CA10: variants seen among roughly 807,000 people sequenced by gnomAD.
CA10 encodes the protein carbonic anhydrase 10 (inactive), also known as carbonic anhydrase-related protein 10.
A neutral mutation model predicts 44.2 loss-of-function variants in CA10; 14 were observed. The ratio of observed to expected loss-of-function variants is 0.32; its 90% CI spans 0.21 to 0.50. CA10 has a LOEUF of 0.50. Among genes scored for constraint, CA10 ranks in the 20% least tolerant of loss-of-function variants. The pLI is 0.99. For synonymous variants in CA10, 159 were observed against 141.6 expected (o/e 1.12, Z -0.87); for missense variants, 350 against 409.7 (o/e 0.85, Z 1.26).
At chr17:52,022,952 T>C (rs1986189399) in intron 2 of CA10, among the ~76,000 whole-genome samples, 1 of 151,918 alleles carries the variant, frequency 6.6e-6, no homozygotes, top group Admixed American at 6.6e-5. Context: ...CTGAAAGAAA[T>C]CAAAGATGAC....
chr17:51,908,952 TC>T (rs1981678167), intron 3 of CA10, among the ~76,000 whole-genome samples: 1 of 152,140 alleles, frequency 6.6e-6, no homozygotes, highest in South Asian at 2.1e-4. Flanking sequence ...TAGGCCACTC[TC>T]ACTGAATAAA....
intron 3 of CA10, among the ~76,000 whole-genome samples, chr17:51,849,187 A>G (rs1393555812): frequency 3.1e-5 from 2 of 64,574 alleles, no homozygotes; most frequent in Non-Finnish European, 5.2e-5. Context: ...ATATATGTAT[A>G]TATATATATA....
chr17:51,767,314 C>T (rs1905422545), intron 3 of CA10, among the ~76,000 whole-genome samples: 1 of 70 alleles, frequency 0.014, no homozygotes, highest in South Asian at 0.12. Context: ...TACTCATCCT[C>T]AGTGACTCTG....
intron 1 of CA10, among the ~76,000 whole-genome samples, chr17:52,133,994 T>C (rs1989297552): frequency 6.6e-6 from 1 of 152,182 alleles, no homozygotes; most frequent in Non-Finnish European, 1.5e-5. Context: ...ATGCTGGTGA[T>C]GTGAGCCAAG....
At chr17:52,085,618 C>T (rs1988096797) in intron 1 of CA10, among the ~76,000 whole-genome samples, 1 of 152,170 alleles carries the variant, frequency 6.6e-6, no homozygotes, top group Admixed American at 6.5e-5. Flanking sequence ...CATCCTATCT[C>T]CTTTGGGCAT....
chr17:52,150,532 T>G (rs1989680830), intron 1 of CA10, among the ~76,000 whole-genome samples: 1 of 152,154 alleles, frequency 6.6e-6, no homozygotes, highest in South Asian at 2.1e-4. Context: ...ACCATTTCAT[T>G]TAGGTCTCTA....
intron 2 of CA10, among the ~76,000 whole-genome samples, chr17:51,978,374 G>A (rs1413084758): frequency 6.7e-6 from 1 of 150,224 alleles, no homozygotes; most frequent in Non-Finnish European, 1.5e-5. Flanking sequence ...ATCTGTGTGT[G>A]TGTCTGTATG....
chr17:51,783,903 G>C (rs945453192), intron 3 of CA10, among the ~76,000 whole-genome samples: 1 of 152,138 alleles, frequency 6.6e-6, no homozygotes, highest in African/African-American at 2.4e-5. Context: ...ATACACAGCT[G>C]TGTAGGAGCA....
intron 2 of CA10, among the ~76,000 whole-genome samples, chr17:52,057,968 C>T (rs779322731): frequency 2.0e-5 from 3 of 151,960 alleles, no homozygotes; most frequent in Non-Finnish European, 2.9e-5. Context: ...CCAGAAATTT[C>T]CTGGTGTGAC....
chr17:51,705,324 A>G (rs1396973065), intron 4 of CA10, among the ~76,000 whole-genome samples: 1 of 152,124 alleles, frequency 6.6e-6, no homozygotes, highest in Non-Finnish European at 1.5e-5. Context: ...ATATATACAC[A>G]TAGATCAATG....
intron 3 of CA10, among the ~76,000 whole-genome samples, chr17:51,780,404 C>G (rs1218119713): frequency 6.6e-6 from 1 of 152,208 alleles, no homozygotes; most frequent in African/African-American, 2.4e-5. Context: ...TTTTCCGAGT[C>G]TTGGCTTCCA....
At chr17:51,654,219 CAGTAG>C (rs1188804728) in intron 4 of CA10, among the ~76,000 whole-genome samples, 1 of 152,230 alleles carries the variant, frequency 6.6e-6, no homozygotes, top group Non-Finnish European at 1.5e-5. Flanking sequence ...CTGCAAGATG[CAGTAG>C]TAGCTGATGG....
chr17:52,142,162 T>A (rs555496760), intron 1 of CA10, among the ~76,000 whole-genome samples: 1 of 152,316 alleles, frequency 6.6e-6, no homozygotes, highest in African/African-American at 2.4e-5. Context: ...CTTCACAGAA[T>A]CCTGAGTTGG....
chr17:51,719,453 ATT>A, intron 4 of CA10, among the ~76,000 whole-genome samples: 1 of 152,334 alleles, frequency 6.6e-6, no homozygotes, highest in Non-Finnish European at 1.5e-5. Flanking sequence ...TCTAATACAA[ATT>A]TGGGACACAG....
In CA10 at chr17:51,805,043, G is replaced by T. The variant is rs545118392; in HGVS notation, c.280-57225C>A. On this transcript the variant is annotated intron_variant, in intron 3 of 8. Coordinates refer to ENST00000451037, the MANE Select transcript of CA10 (RefSeq NM_020178.5). ...CCTGAGTCTGAGGTCTTTCCACATT[G>T]CCTTGCAGGGTTATGTGACTGTCTT... Among the ~76,000 whole-genome samples the T allele has an allele frequency of 3.9e-5, 6 of 152,306 alleles. No individual in the cohort carries two copies. The South Asian group carries it at 1.2e-3, about 32-fold the overall frequency.
chr17:51,935,701 A>G (rs569070442), intron 2 of CA10, among the ~76,000 whole-genome samples: 1 of 152,216 alleles, frequency 6.6e-6, no homozygotes, highest in Admixed American at 6.5e-5. Context: ...ATGCTCAGTG[A>G]CTCTGTGATT....
intron 3 of CA10, among the ~76,000 whole-genome samples, chr17:51,754,969 A>G (rs1905034493): frequency 6.6e-6 from 1 of 151,884 alleles, no homozygotes; most frequent in African/African-American, 2.4e-5. Flanking sequence ...TATATATTAT[A>G]TATACACATA....
chr17:51,833,072 G>C (rs541674185), intron 3 of CA10, among the ~76,000 whole-genome samples: 1 of 152,156 alleles, frequency 6.6e-6, no homozygotes, highest in African/African-American at 2.4e-5. Context: ...CAGCTGAGAG[G>C]GGTGCTGAAT....
At chr17:52,070,963 G>A (rs1244690067) in intron 2 of CA10, among the ~76,000 whole-genome samples, 1 of 151,978 alleles carries the variant, frequency 6.6e-6, no homozygotes, top group African/African-American at 2.4e-5. Context: ...ATACTCAAAA[G>A]GTACAAGAAT....
Sources: gnomAD v4.1 joint callset for allele counts (sites outside exome capture counted in the v4.1 genomes callset) on GRCh38, gnomAD v4.1.1 for gene constraint, MANE v1.5 for transcripts, NCBI Gene and HGNC (gene_info 2026-07-23, HGNC 2026-07-21) for gene names.